The following TAS2R1 variants were observed in gnomAD, a reference collection of about 807,000 sequenced individuals.
TAS2R1 encodes taste receptor type 2 member 1.
For missense variants in TAS2R1, 370 were observed against 353.4 expected (o/e 1.05, Z -0.38); for synonymous variants, 141 against 134.2 (o/e 1.05, Z -0.35).
At chr5:9,701,517 A>G (rs1741484340) in intron 1 of TAS2R1, among the ~76,000 whole-genome samples, 1 of 152,194 alleles carries the variant, frequency 6.6e-6, no homozygotes, top group African/African-American at 2.4e-5. Flanking sequence ...ATAACCTGGT[A>G]CAATGACAAA....
At chr5:9,874,369 G>A in the TAS2R1 span, among the ~76,000 whole-genome samples, 6 of 152,146 alleles carry the variant, frequency 3.9e-5, no homozygotes, top group Admixed American at 6.5e-5. Flanking sequence ...ATATGGCAAA[G>A]GAAGATGTTA....
the TAS2R1 span, among the ~76,000 whole-genome samples, chr5:9,805,544 C>A: frequency 6.6e-6 from 1 of 151,984 alleles, no homozygotes; most frequent in Non-Finnish European, 1.5e-5. Context: ...AAAAGATAAT[C>A]CACCATGATC....
the TAS2R1 span, among the ~76,000 whole-genome samples, chr5:9,833,058 G>A: frequency 6.6e-6 from 1 of 152,236 alleles, no homozygotes; most frequent in Admixed American, 6.5e-5. Flanking sequence ...ACAAAAGATT[G>A]CATTCTTCTG....
the TAS2R1 span, among the ~76,000 whole-genome samples, chr5:9,737,567 A>G: frequency 6.6e-6 from 1 of 152,124 alleles, no homozygotes; most frequent in Admixed American, 6.5e-5. Flanking sequence ...GGCGATGACA[A>G]GGGTGAGAGA....
the TAS2R1 span, among the ~76,000 whole-genome samples, chr5:9,885,056 T>C: frequency 6.6e-6 from 1 of 152,202 alleles, no homozygotes; most frequent in African/African-American, 2.4e-5. Flanking sequence ...TCTTTCAATC[T>C]GCACAGTAAC....
At chr5:9,757,963 T>C in the TAS2R1 span, among the ~76,000 whole-genome samples, 1 of 152,254 alleles carries the variant, frequency 6.6e-6, no homozygotes, top group African/African-American at 2.4e-5. Context: ...ACAGTTAATA[T>C]CAATAATTTT....
chr5:9,758,610 C>T, the TAS2R1 span, among the ~76,000 whole-genome samples: 1 of 152,138 alleles, frequency 6.6e-6, no homozygotes, highest in African/African-American at 2.4e-5. Flanking sequence ...ATTTCCAATC[C>T]TTGCTGCCTC....
At chr5:9,704,805 T>A (rs922275991) in intron 1 of TAS2R1, among the ~76,000 whole-genome samples, 3 of 152,228 alleles carry the variant, frequency 2.0e-5, no homozygotes, top group Non-Finnish European at 2.9e-5. Flanking sequence ...GACATTTTCA[T>A]ATATTCTTAA....
chr5:9,670,630 A>G (rs1740730951), intron 1 of TAS2R1, among the ~76,000 whole-genome samples: 1 of 152,040 alleles, frequency 6.6e-6, no homozygotes, highest in African/African-American at 2.4e-5. Flanking sequence ...TAACAGTTCC[A>G]AAACTGAAGC....
At chr5:9,892,807 A>T in the TAS2R1 span, among the ~76,000 whole-genome samples, 1 of 152,126 alleles carries the variant, frequency 6.6e-6, no homozygotes, top group Non-Finnish European at 1.5e-5. Context: ...AGAGTATTAC[A>T]CTCAAAACAA....
chr5:9,838,348 G>C, the TAS2R1 span, among the ~76,000 whole-genome samples: 1 of 152,286 alleles, frequency 6.6e-6, no homozygotes, highest in East Asian at 1.9e-4. Context: ...GTCTGAGAAA[G>C]ATCAAGAGTA....
chr5:9,844,630 A>G, the TAS2R1 span, among the ~76,000 whole-genome samples: 1 of 152,278 alleles, frequency 6.6e-6, no homozygotes, highest in Non-Finnish European at 1.5e-5. Flanking sequence ...CCCCTCCTAG[A>G]CTATAAGCTC....
chr5:9,790,937 G>C, the TAS2R1 span, among the ~76,000 whole-genome samples: 2 of 152,102 alleles, frequency 1.3e-5, no homozygotes, highest in Non-Finnish European at 2.9e-5. Context: ...ACTGTGCCTG[G>C]CCTATAAAAT....
chr5:9,632,243 A>G (rs961986349), upstream of TAS2R1, among the ~76,000 whole-genome samples: 14 of 152,236 alleles, frequency 9.2e-5, no homozygotes, highest in Non-Finnish European at 1.9e-4. Context: ...CAATAGCACT[A>G]TGTCTTAAAA....
At chr5:9,865,573 C>T in the TAS2R1 span, among the ~76,000 whole-genome samples, 2 of 152,202 alleles carry the variant, frequency 1.3e-5, no homozygotes, top group Non-Finnish European at 2.9e-5. Flanking sequence ...TTTTCTTTAA[C>T]ACAAATGGGC....
In TAS2R1 at chr5:9,629,390, T is replaced by C. The variant is rs767753141; in HGVS notation, c.643A>G (p.Ser215Gly). The change falls in exon 1 of 1, where the codon AGC (serine) becomes GGC (glycine). Residue 215 changes from serine (S) to glycine (G), a missense_variant. Transcript: ENST00000382492. ...GGTGCACCCCTGCCAGGAACCCTGCTGCCGGCCACTGTGTTTCTCATTTGC... is the reference window on the plus strand; with the variant it reads ...GGTGCACCCCTGCCAGGAACCCTGCCGCCGGCCACTGTGTTTCTCATTTGC... ...TRQMRNTVAG[S>G]RVPGRGAPIS... The C allele has an allele frequency of 1.5e-5, 25 of 1,614,026 alleles. No individual in the cohort carries two copies. Among genetic ancestry groups the C allele is most frequent in the Non-Finnish European group, 2.0e-5 (24 of 1,180,032 alleles).
chr5:9,753,033 G>A, the TAS2R1 span, among the ~76,000 whole-genome samples: 1 of 152,144 alleles, frequency 6.6e-6, no homozygotes, highest in Admixed American at 6.5e-5. Flanking sequence ...CTTTATAGCA[G>A]CATGATTTAT....
the TAS2R1 span, among the ~76,000 whole-genome samples, chr5:9,894,331 G>C: frequency 6.6e-6 from 1 of 152,122 alleles, no homozygotes; most frequent in Non-Finnish European, 1.5e-5. Context: ...TTGAACCTGG[G>C]AAGTGGAGGT....
chr5:9,744,514 T>C, the TAS2R1 span, among the ~76,000 whole-genome samples: 28 of 151,844 alleles, frequency 1.8e-4, no homozygotes, highest in African/African-American at 6.1e-4. Context: ...AACATGCCAG[T>C]AGGGGTTGAG....
Sources: gnomAD v4.1 joint callset for allele counts (sites outside exome capture counted in the v4.1 genomes callset) on GRCh38, gnomAD v4.1.1 for gene constraint, MANE v1.5 for transcripts, NCBI Gene and HGNC (gene_info 2026-07-23, HGNC 2026-07-21) for gene names.